CCT2: variants seen among roughly 807,000 people sequenced by gnomAD.
CCT2 encodes the protein T-complex protein 1 subunit beta.
CCT2 carries 18 observed loss-of-function variants against 61.8 expected under a neutral mutation model. That is an observed-to-expected ratio of 0.29 (90% CI 0.20 to 0.43). The LOEUF is 0.43. Ranked by LOEUF, CCT2 falls within the 20% of genes least tolerant of loss-of-function variation. The probability of loss-of-function intolerance (pLI) is 1.00; values close to 1 mark genes in which losing one functional copy is unlikely to be tolerated. For missense variants in CCT2, 556 were observed against 656.9 expected, an observed-to-expected ratio of 0.85 and a Z score of 1.68; for synonymous variants, 248 against 215.9, an observed-to-expected ratio of 1.15 and a Z score of -1.30.
At chr12:69,591,976 T>C in intron 7 of CCT2, 83 bp from the exon 8 acceptor site, 1 of 738,734 alleles carries the variant, frequency 1.4e-6, no homozygotes, top group Non-Finnish European at 2.2e-6. Context: ...AACAGTGATA[T>C]GATAAAGCAG....
At chr12:69,597,539 A>G in intron 11 of CCT2, 99 bp from the exon 12 acceptor site, 1 of 1,258,940 alleles carries the variant, frequency 7.9e-7, no homozygotes. Context: ...ACAGGAAGAC[A>G]GGTCAGCTTT....
chr12:69,589,170 C>T, intron 6 of CCT2: 1 of 364,574 alleles, frequency 2.7e-6, no homozygotes, highest in South Asian at 2.5e-5. Context: ...AGTGATCCAT[C>T]CTCCTCAGTC....
intron 1 of CCT2, 113 bp downstream of exon 1, chr12:69,585,637 C>T: frequency 1.9e-6 from 3 of 1,545,000 alleles, no homozygotes; most frequent in South Asian, 2.4e-5. Context: ...CTCCCCGGCC[C>T]TCCGCACATG....
At chr12:69,590,381 T>C (rs1881799328) in intron 7 of CCT2, among the ~76,000 whole-genome samples, 1 of 152,308 alleles carries the variant, frequency 6.6e-6, no homozygotes, top group South Asian at 2.1e-4. Flanking sequence ...CAAATAATTA[T>C]GTATGTTTAT....
At chr12:69,600,679 G>A (rs1007830157) in intron 15 of CCT2, among the ~76,000 whole-genome samples, 3 of 152,096 alleles carry the variant, frequency 2.0e-5, no homozygotes, top group Admixed American at 1.3e-4. Flanking sequence ...GCTACCAAGG[G>A]TGAAAAGTTT....
chr12:69,588,103 T>G, intron 5 of CCT2, 47 bp from the exon 6 acceptor site: 2 of 1,548,794 alleles, frequency 1.3e-6, no homozygotes, highest in African/African-American at 1.4e-5. Context: ...TGAGGAGTGC[T>G]TAATAATTTT....
At position 69,597,632 on chromosome 12, in the gene CCT2, T is replaced by C. The variant is rs1408280904; in HGVS notation, c.1103-6T>C. On this transcript the variant is annotated splice_polypyrimidine_tract_variant and splice_region_variant and intron_variant, in intron 11 of 15. Coordinates refer to ENST00000299300, the MANE Select transcript of CCT2 (RefSeq NM_006431.3). ...CCTAAGTGGTCACTGTGTCTTTTAA[T>C]TTTAGGTGAGGCTTGTACCATTGTT... 2 of 1,609,106 alleles carry C rather than the reference T, an allele frequency of 1.2e-6. No homozygotes were observed. Among genetic ancestry groups the C allele is most frequent in the Non-Finnish European group, 1.7e-6 (2 of 1,178,668 alleles).
At chr12:69,596,482 A>G (rs970623711) in intron 10 of CCT2, among the ~76,000 whole-genome samples, 1 of 152,112 alleles carries the variant, frequency 6.6e-6, no homozygotes, top group Non-Finnish European at 1.5e-5. Context: ...AGTTTACAGC[A>G]TGGAAGATGG....
At chr12:69,590,538 G>A (rs1225708531) in intron 7 of CCT2, among the ~76,000 whole-genome samples, 1 of 151,814 alleles carries the variant, frequency 6.6e-6, no homozygotes, top group Non-Finnish European at 1.5e-5. Context: ...AAAAAGTATA[G>A]GCATTCTTAT....
At chr12:69,585,835 C>G (rs1011885097) in intron 1 of CCT2, 2 of 1,330,418 alleles carry the variant, frequency 1.5e-6, no homozygotes, top group African/African-American at 3.0e-5. Context: ...CGCCCTCCTT[C>G]TAGGGGCGGA....
At chr12:69,586,637 C>T (rs932071339) in intron 2 of CCT2, 116 bp from the exon 3 acceptor site, 8 of 774,376 alleles carry the variant, frequency 1.0e-5, no homozygotes, top group Admixed American at 2.4e-5. Flanking sequence ...CATTGCACTC[C>T]AGCCTGGGCG....
chr12:69,597,487 C>A, intron 11 of CCT2, 151 bp from the exon 12 acceptor site: 1 of 1,038,162 alleles, frequency 9.6e-7, no homozygotes, highest in Non-Finnish European at 1.4e-6. Context: ...TCCTTGATAA[C>A]TTAGAACCAT....
intron 15 of CCT2, 124 bp from the exon 16 acceptor site, chr12:69,601,171 C>A (rs779029168): frequency 1.3e-6 from 1 of 770,442 alleles, no homozygotes; most frequent in Non-Finnish European, 2.1e-6. Flanking sequence ...GACACACATG[C>A]AAACCATTGC....
Position 69,599,886 on chromosome 12 carries a change from G to C in CCT2, c.1459G>C (p.Asp487His). 1 of 1,613,236 alleles carries C rather than the reference G, an allele frequency of 6.2e-7. No individual in the cohort carries two copies. Among genetic ancestry groups the C allele is most frequent in the Non-Finnish European group, 8.5e-7 (1 of 1,179,560 alleles). Residue 487 changes from aspartate to histidine, a missense_variant, in exon 15 of 16, where the codon GAT (aspartate) becomes CAT (histidine). Coordinates refer to ENST00000299300, the MANE Select transcript of CCT2 (RefSeq NM_006431.3). The stretch of plus-strand genomic sequence containing the variant: ...AGATATGAGGGAAGGCACCATTGGA[G>C]ATATGGCTATCCTGGGTATAACAGA... ...GLDMREGTIG[D>H]MAILGITESF...
Position 69,601,437 on chromosome 12 carries a change from A to C in CCT2, c.*112A>C. Reference sequence around the variant, plus strand: ...GTTTATCGGTGCCCATTATATCCTTAAGTTTGGATATTTAGCTGACCTTCG... The same window carrying C: ...GTTTATCGGTGCCCATTATATCCTTCAGTTTGGATATTTAGCTGACCTTCG... On this transcript the variant is annotated 3_prime_UTR_variant, in exon 16 of 16. Coordinates refer to ENST00000299300, the MANE Select transcript of CCT2 (RefSeq NM_006431.3). 6.3e-7 allele frequency: 1 copy of C among 1,594,816 alleles called. No individual in the cohort carries two copies. The highest frequency in any genetic ancestry group is 8.5e-7 in the Non-Finnish European group (1 of 1,172,520).
intron 6 of CCT2, chr12:69,589,122 T>TA: frequency 4.3e-6 from 1 of 233,690 alleles, no homozygotes; most frequent in Non-Finnish European, 8.4e-6. Context: ...TAGATGGGGT[T>TA]TCACCATGTT....
At chr12:69,586,076 C>T in intron 1 of CCT2, 194 bp from the exon 2 acceptor site, 1 of 1,323,396 alleles carries the variant, frequency 7.6e-7, no homozygotes, top group Non-Finnish European at 1.0e-6. Context: ...TCCGAAAAGC[C>T]ATGTCGCTCT....
At chr12:69,594,401 T>C (rs559241017) in intron 10 of CCT2, among the ~76,000 whole-genome samples, 13 of 152,332 alleles carry the variant, frequency 8.5e-5, no homozygotes, top group African/African-American at 2.4e-4. Context: ...TTTTAAAAAA[T>C]TTCTGAAAGT....
chr12:69,595,769 T>C (rs1229330359), intron 10 of CCT2, among the ~76,000 whole-genome samples: 1 of 149,898 alleles, frequency 6.7e-6, no homozygotes, highest in Middle Eastern at 3.2e-3. Context: ...GGTCTTGACA[T>C]GAAATTGCTC....
Sources: allele counts gnomAD v4.1 joint callset (sites outside exome capture counted in the v4.1 genomes callset), GRCh38; gene constraint gnomAD v4.1.1; transcripts MANE v1.5; gene names NCBI Gene and HGNC (gene_info 2026-07-23, HGNC 2026-07-21).